DIXDC1: variants seen among roughly 807,000 people sequenced by gnomAD.
DIXDC1 encodes dixin.
A neutral mutation model predicts 103.1 loss-of-function variants in DIXDC1; 64 were observed. That is an observed-to-expected ratio of 0.62 (90% CI 0.51 to 0.76). The LOEUF (loss-of-function observed/expected upper bound fraction) is 0.76, where lower values mean the gene tolerates loss of function less well. Among genes scored for constraint, DIXDC1 ranks in the 30% least tolerant of loss-of-function variants. DIXDC1 has a pLI of 0.00. For synonymous variants in DIXDC1, 266 were observed against 298.5 expected, an observed-to-expected ratio of 0.89 and a Z score of 1.12; for missense variants, 759 against 834.2, an observed-to-expected ratio of 0.91 and a Z score of 1.11.
intron 1 of DIXDC1, 138 bp from the exon 2 acceptor site, chr11:111,964,411 C>A: frequency 1.1e-6 from 1 of 923,596 alleles, no homozygotes; most frequent in Non-Finnish European, 1.6e-6. Context: ...TTTCTTCTCT[C>A]TTTCCTCAAA....
At chr11:111,992,328 AAC>A in intron 10 of DIXDC1, 85 bp from the exon 11 acceptor site, 3 of 1,206,236 alleles carry the variant, frequency 2.5e-6, no homozygotes, top group Non-Finnish European at 3.5e-6. Context: ...GAATGCTGGA[AAC>A]ACATTAAAGG....
At chr11:111,943,757 C>T (rs587704656) in intron 1 of DIXDC1, among the ~76,000 whole-genome samples, 1 of 152,236 alleles carries the variant, frequency 6.6e-6, no homozygotes, top group South Asian at 2.1e-4. Context: ...ACCTCAGCCT[C>T]CCAAAGTGCT....
chr11:111,968,709 T>C (rs1859814928), intron 3 of DIXDC1, 71 bp downstream of exon 3: 4 of 1,443,118 alleles, frequency 2.8e-6, no homozygotes, highest in Admixed American at 2.2e-5. Flanking sequence ...AGGAAAATCC[T>C]TGGCTGTAAC....
rs1860093737 is a variant in DIXDC1, at chr11:111,976,317, G to C, written c.656+1334G>C. Among the ~76,000 whole-genome samples, 1 of 152,188 alleles carries C rather than the reference G, an allele frequency of 6.6e-6. No homozygotes were observed. Among genetic ancestry groups the C allele is most frequent in the Non-Finnish European group, 1.5e-5 (1 of 68,038 alleles). ...ACCTGCTTTCTCCTCCAAGGCAGGA[G>C]GACTGAGGGGAGGGCTGTGAGACTG... is the stretch of plus-strand genomic sequence containing the variant. On this transcript the variant is annotated intron_variant, in intron 5 of 19. Coordinates refer to ENST00000440460, the MANE Select transcript of DIXDC1 (RefSeq NM_001037954.4). The surrounding 1 kb of genome is among the most constrained non-coding windows in gnomAD (Gnocchi z 4.3).
rs1860867335 is a variant in DIXDC1 at position 111,995,479 on chromosome 11, A to G, written c.1604A>G (p.His535Arg). The part of the protein sequence containing the change: ...NSFSGHDPQH[H>R]TIDSLEQGIS... ...TTCAGTGGCCACGATCCTCAGCACC[A>G]CACTATTGACAGCTTGGAGCAGGGC... The change falls in exon 16 of 20, where the codon CAC (histidine) becomes CGC (arginine). Residue 535 changes from histidine (H) to arginine (R), a missense_variant. Coordinates refer to ENST00000440460, the MANE Select transcript of DIXDC1 (RefSeq NM_001037954.4). 1.2e-6 allele frequency: 2 copies of G among 1,613,964 alleles called. No individual in the cohort carries two copies. The highest frequency in any genetic ancestry group is 1.7e-6 in the Non-Finnish European group (2 of 1,179,892).
intron 1 of DIXDC1, among the ~76,000 whole-genome samples, chr11:111,950,582 A>T (rs1348618192): frequency 1.3e-5 from 2 of 148,798 alleles, no homozygotes; most frequent in African/African-American, 4.9e-5. Context: ...CAGCCTCCCG[A>T]GTAGCTGGGA....
intron 17 of DIXDC1, among the ~76,000 whole-genome samples, chr11:112,011,208 C>T (rs1861409723): frequency 6.6e-6 from 1 of 152,180 alleles, no homozygotes; most frequent in African/African-American, 2.4e-5. Flanking sequence ...AAAAAATGCT[C>T]ATCATCACTG....
intron 3 of DIXDC1, among the ~76,000 whole-genome samples, chr11:111,970,799 A>G (rs1555171996): frequency 6.6e-6 from 1 of 152,230 alleles, no homozygotes; most frequent in Non-Finnish European, 1.5e-5. Context: ...GGAACAGACT[A>G]GAGAACCCAG....
intron 14 of DIXDC1, among the ~76,000 whole-genome samples, 187 bp from the exon 15 acceptor site, chr11:111,994,832 A>G (rs1001607555): frequency 2.0e-5 from 3 of 152,184 alleles, no homozygotes; most frequent in Non-Finnish European, 4.4e-5. Flanking sequence ...AGTGCTGGGC[A>G]TACAGCAGTG....
At chr11:111,995,360 G>C (rs1555175209) in intron 15 of DIXDC1, 43 bp from the exon 16 acceptor site, 2 of 1,603,476 alleles carry the variant, frequency 1.2e-6, no homozygotes, top group South Asian at 1.1e-5. Flanking sequence ...TGGTTGGGAA[G>C]TGGCACCGTG....
At chr11:111,940,320 A>C (rs1395960564) in intron 1 of DIXDC1, among the ~76,000 whole-genome samples, 1 of 152,254 alleles carries the variant, frequency 6.6e-6, no homozygotes, top group African/African-American at 2.4e-5. Context: ...TTTGAATGGC[A>C]TGGTTAATTT....
Position 111,993,714 on chromosome 11 carries a change from C to T in DIXDC1, c.1411C>T (p.His471Tyr), listed in dbSNP as rs369091364. The T allele has an allele frequency of 1.2e-6, 2 of 1,614,002 alleles. No individual in the cohort carries two copies. Among genetic ancestry groups the T allele is most frequent in the Non-Finnish European group, 8.5e-7 (1 of 1,179,884 alleles). ...ELEHKDVLLA[H>Y]CMKREADEAT... ...AGAACACAAAGATGTCCTCTTGGCTCACTGTATGAAAAGAGAGGCAGATGA... is the reference window on the plus strand; with the variant it reads ...AGAACACAAAGATGTCCTCTTGGCTTACTGTATGAAAAGAGAGGCAGATGA... Residue 471 changes from histidine (H) to tyrosine (Y), a missense_variant, in exon 14 of 20, where the codon CAC becomes TAC. Physicochemically the swap from His to Tyr is moderately conservative, Grantham distance 83 (BLOSUM62 2). This residue lies in a region of DIXDC1 where 657 missense variants were observed against 727.5 expected (regional missense o/e 0.90). Transcript: ENST00000440460.
intron 17 of DIXDC1, among the ~76,000 whole-genome samples, chr11:112,003,191 T>G (rs1402386905): frequency 6.6e-6 from 1 of 152,134 alleles, no homozygotes; most frequent in Non-Finnish European, 1.5e-5. Flanking sequence ...GTGACTATAG[T>G]AGAATTTATT....
chr11:111,940,305 A>T (rs948620697), intron 1 of DIXDC1, among the ~76,000 whole-genome samples: 1 of 152,254 alleles, frequency 6.6e-6, no homozygotes, highest in Non-Finnish European at 1.5e-5. Context: ...TTTCAATGCA[A>T]TGCCTTTGAA....
chr11:111,958,111 C>T lies in DIXDC1; in HGVS notation c.61-6438C>T, dbSNP rs61897190. Among the ~76,000 whole-genome samples the T allele has an allele frequency of 0.012, 1,776 of 149,292 alleles. 12 individuals are homozygous for T. Among genetic ancestry groups the T allele is most frequent in the Non-Finnish European group, 0.017 (1,111 of 67,040 alleles). ...CAGGCAGGAGCCCCACCCTCCTGGGCGCAGCTGCAGTCACCAGAGCCCTAG... is the reference window on the plus strand; with the variant it reads ...CAGGCAGGAGCCCCACCCTCCTGGGTGCAGCTGCAGTCACCAGAGCCCTAG... On this transcript the variant is annotated intron_variant, in intron 1 of 19. Coordinates refer to ENST00000440460, the MANE Select transcript of DIXDC1 (RefSeq NM_001037954.4). This position sits in a 1 kb window ranked among gnomAD's most constrained non-coding sequence, Gnocchi z 4.2.
rs1459845733 is a variant in DIXDC1 at position 111,989,045 on chromosome 11, A to G, written c.1103A>G (p.Gln368Arg). The change falls in exon 10 of 20, where the codon CAG becomes CGG. Residue 368 changes from glutamine to arginine, a missense_variant. By Grantham distance (43) the Gln-to-Arg change is conservative (BLOSUM62 1). Transcript: ENST00000440460. ...TGTAAACAAGAAGCCAGAAACTTAC[A>G]GGGGATAAAGGTAAAAAAGAAGACA... Reference protein sequence around the residue: ...LKCKQEARNLQGIKDALQQRL... With the variant: ...LKCKQEARNLRGIKDALQQRL... 6.2e-7 allele frequency: 1 copy of G among 1,607,196 alleles called. No homozygotes were observed.
At chr11:111,938,783 G>A (rs72991425) in intron 1 of DIXDC1, among the ~76,000 whole-genome samples, 1,657 of 152,270 alleles carry the variant, frequency 0.011, 12 homozygotes, top group Non-Finnish European at 0.018. Context: ...GAGGAAAACT[G>A]CAGAAATGCT....
Position 111,987,825 on chromosome 11 carries a change from AATTTTTGT to A in DIXDC1, c.1062+908_1062+915del, listed in dbSNP as rs587666050. On this transcript the variant is annotated intron_variant, in intron 9 of 19. Transcript: ENST00000440460. Reference sequence around the variant, plus strand: ...CAGGCGCCCGCCACCATACCTGGCTAATTTTTGTATTTTTAGTAGAGATGGGGTTTCAC... The same window carrying A: ...CAGGCGCCCGCCACCATACCTGGCTAATTTTTAGTAGAGATGGGGTTTCAC... Among the ~76,000 whole-genome samples the A allele has an allele frequency of 8.0e-4, 122 of 151,908 alleles. No homozygotes were observed. The Middle Eastern group carries it at 0.01, about 13-fold the overall frequency.
Position 111,977,228 on chromosome 11 carries a change from C to T in DIXDC1, c.656+2245C>T, listed in dbSNP as rs1860132923. 3.0e-6 allele frequency: 3 copies of T among 995,052 alleles called. No homozygotes were observed. The highest frequency in any genetic ancestry group is 6.1e-5 in the Admixed American group (1 of 16,366). The allele number at this position is 995,052 out of a possible 1,614,324, so 61.6% of individuals were successfully genotyped here. ...CCGTCCAGAGCGGTCGGTTGGCCAG[C>T]GGAGCTGGCTTGGGTCGGAGCCCGG... On this transcript the variant is annotated intron_variant, in intron 5 of 19. Coordinates refer to ENST00000440460, the MANE Select transcript of DIXDC1 (RefSeq NM_001037954.4). The surrounding 1 kb of genome is among the most constrained non-coding windows in gnomAD (Gnocchi z 6.1).
Sources: allele counts gnomAD v4.1 joint callset (sites outside exome capture counted in the v4.1 genomes callset), GRCh38; gene constraint gnomAD v4.1.1; regional missense constraint gnomAD v4.1.1; non-coding constraint Gnocchi (gnomAD v3.1); transcripts MANE v1.5; gene names NCBI Gene and HGNC (gene_info 2026-07-23, HGNC 2026-07-21).